The following USH2A variants were observed in gnomAD, a reference collection of about 807,000 sequenced individuals.
USH2A encodes Usher syndrome 2A (autosomal recessive, mild).
A neutral mutation model predicts 538.9 loss-of-function variants in USH2A; 443 were observed. The ratio of observed to expected loss-of-function variants is 0.82; its 90% CI spans 0.76 to 0.89. The LOEUF (loss-of-function observed/expected upper bound fraction) is 0.89. USH2A is among the 40% of genes least tolerant of loss of function. The probability of loss-of-function intolerance (pLI) is 0.00; values close to 1 mark genes in which losing one functional copy is unlikely to be tolerated. For synonymous variants in USH2A, 2,413 were observed against 2,273.5 expected, an observed-to-expected ratio of 1.06 and a Z score of -1.75; for missense variants, 6,633 against 6,324.8, an observed-to-expected ratio of 1.05 and a Z score of -1.65.
At chr1:216,018,861 G>T (rs764210729) in intron 32 of USH2A, among the ~76,000 whole-genome samples, 9 of 151,814 alleles carry the variant, frequency 5.9e-5, no homozygotes, top group South Asian at 4.2e-4. Flanking sequence ...GGATGTGCCT[G>T]TTTATCTAAT....
chr1:216,236,748 C>G (rs1328614555), intron 13 of USH2A, among the ~76,000 whole-genome samples: 1 of 152,094 alleles, frequency 6.6e-6, no homozygotes, highest in Non-Finnish European at 1.5e-5. Flanking sequence ...GTGCTCGTCA[C>G]AGCAACAGAT....
rs1004204527 is a variant in USH2A at position 216,317,311 on chromosome 1, G to A, written c.1644+4572C>T. ...GCCGGTACAAAAAATCAAACATTAC[G>A]TATTCTCACTTACAAGTGGGATCCG... On this transcript the variant is annotated intron_variant, in intron 9 of 71. Transcript: ENST00000307340. Among the ~76,000 whole-genome samples the A allele has an allele frequency of 5.3e-5, 8 of 152,100 alleles. No homozygotes were observed. The East Asian group carries it at 1.2e-3, about 22-fold the overall frequency.
Position 215,674,381 on chromosome 1 carries a change from A to C in USH2A, c.13530T>G (p.Thr4510=), listed in dbSNP as rs150654038. The change falls in exon 63 of 72, where the codon ACT becomes ACG. Residue 4510 remains threonine (T), a synonymous_variant. Transcript: ENST00000307340. ...TPGVEYSYTV[T]ASNSQGGILS... is the part of the protein sequence containing the mutation. ...AAATACCCCCTTGGCTGTTGCTGGC[A>C]GTTACTGTGTAGCTATACTCCACAC... 5 of 1,614,110 alleles carry C rather than the reference A, an allele frequency of 3.1e-6. No homozygotes were observed. The highest frequency in any genetic ancestry group is 1.1e-5 in the South Asian group (1 of 91,076).
rs760226151 is a variant in USH2A at position 215,629,052 on chromosome 1, TGTGA to T, written c.15298-21_15298-18del. 2.5e-6 allele frequency: 4 copies of T among 1,609,262 alleles called. No individual in the cohort carries two copies. The highest frequency in any genetic ancestry group is 2.2e-5 in the South Asian group (2 of 90,926). On this transcript the variant is annotated intron_variant, in intron 70 of 71. Transcript: ENST00000307340. ...GGCTAACCCCTGAGAAGGAAGTTGC[TGTGA>T]GTATTTCACATATAAAGAATATGGG...
At chr1:215,984,691 C>A (rs1344227082) in intron 35 of USH2A, among the ~76,000 whole-genome samples, 1 of 152,164 alleles carries the variant, frequency 6.6e-6, no homozygotes, top group Non-Finnish European at 1.5e-5. Flanking sequence ...TCTCTATTTA[C>A]GCTGAAGAAT....
At chr1:216,039,002 T>G (rs1485204575) in intron 32 of USH2A, among the ~76,000 whole-genome samples, 1 of 152,070 alleles carries the variant, frequency 6.6e-6, no homozygotes, top group African/African-American at 2.4e-5. Context: ...GTACGGGTCT[T>G]AAAATGTAAA....
At chr1:215,675,697 ACCCC>A in intron 62 of USH2A, 81 bp from the exon 63 acceptor site, 1 of 1,606,966 alleles carries the variant, frequency 6.2e-7, no homozygotes. Flanking sequence ...TTTAACCTTC[ACCCC>A]CTTGTTCCTT....
chr1:216,316,251 T>C (rs12562599), intron 9 of USH2A, among the ~76,000 whole-genome samples: 38,128 of 152,058 alleles, frequency 0.25, 4,810 homozygotes, highest in Middle Eastern at 0.34. Flanking sequence ...GTGTCTTTGC[T>C]AATAGATTTT....
intron 3 of USH2A, among the ~76,000 whole-genome samples, chr1:216,369,648 C>T (rs1160772794): frequency 6.6e-6 from 1 of 152,130 alleles, no homozygotes; most frequent in Non-Finnish European, 1.5e-5. Context: ...CATGGAGGCT[C>T]ACACCTCTAA....
chr1:215,738,910 T>A (rs1660227305), intron 60 of USH2A, among the ~76,000 whole-genome samples: 1 of 152,182 alleles, frequency 6.6e-6, no homozygotes, highest in Admixed American at 6.5e-5. Flanking sequence ...AGTCTCAGAA[T>A]GAAAAAGAAC....
At chr1:215,964,883 C>A (rs933320526) in intron 37 of USH2A, among the ~76,000 whole-genome samples, 4 of 152,138 alleles carry the variant, frequency 2.6e-5, no homozygotes, top group Non-Finnish European at 5.9e-5. Context: ...CTAAAACAGT[C>A]ACAAAAATGG....
At chr1:215,783,289 A>G (rs1431669118) in intron 52 of USH2A, among the ~76,000 whole-genome samples, 3 of 152,176 alleles carry the variant, frequency 2.0e-5, no homozygotes, top group African/African-American at 7.2e-5. Flanking sequence ...GTTTGGCAAC[A>G]TTCTTTTATA....
At chr1:215,718,307 C>A (rs954151771) in intron 61 of USH2A, among the ~76,000 whole-genome samples, 1 of 152,178 alleles carries the variant, frequency 6.6e-6, no homozygotes, top group African/African-American at 2.4e-5. Context: ...TTTCACTGTT[C>A]GGCATAATTA....
At chr1:216,093,587 T>G (rs923283822) in intron 22 of USH2A, among the ~76,000 whole-genome samples, 3 of 152,186 alleles carry the variant, frequency 2.0e-5, no homozygotes, top group African/African-American at 7.2e-5. Context: ...CCTCCTATCC[T>G]ACAGAGTCTT....
chr1:215,762,591 G>C (rs1329222008), intron 56 of USH2A, among the ~76,000 whole-genome samples: 3 of 152,128 alleles, frequency 2.0e-5, no homozygotes, highest in Non-Finnish European at 1.5e-5. Flanking sequence ...TTTTTACTTG[G>C]ATGGTGATAT....
At chr1:216,174,708 T>G (rs183090299) in intron 21 of USH2A, 4 of 987,444 alleles carry the variant, frequency 4.1e-6, no homozygotes, top group Non-Finnish European at 4.8e-6. Flanking sequence ...TTCCCCACAA[T>G]GTTCTTCATA....
chr1:215,794,791 A>T (rs887387357), intron 50 of USH2A, among the ~76,000 whole-genome samples: 7 of 152,192 alleles, frequency 4.6e-5, no homozygotes, highest in Non-Finnish European at 1.0e-4. Context: ...ATGCGACATC[A>T]TCTTGGAGTA....
At chr1:216,002,426 T>C (rs548708412) in intron 32 of USH2A, among the ~76,000 whole-genome samples, 3 of 152,274 alleles carry the variant, frequency 2.0e-5, no homozygotes, top group Admixed American at 1.3e-4. Context: ...GGGATTTGAC[T>C]CTAAGTCCCG....
At chr1:215,890,320 G>A (rs893820808) in intron 40 of USH2A, among the ~76,000 whole-genome samples, 10 of 152,156 alleles carry the variant, frequency 6.6e-5, no homozygotes, top group African/African-American at 2.2e-4. Context: ...GTGTGTATGC[G>A]ATTCAGTGTT....
Sources: gnomAD v4.1 joint callset for allele counts (sites outside exome capture counted in the v4.1 genomes callset) on GRCh38, gnomAD v4.1.1 for gene constraint, MANE v1.5 for transcripts, NCBI Gene and HGNC (gene_info 2026-07-23, HGNC 2026-07-21) for gene names.